The following MCPH1 variants were observed in gnomAD, a reference collection of about 807,000 sequenced individuals.
The protein encoded by MCPH1 is microcephalin.
A neutral mutation model predicts 84.5 loss-of-function variants in MCPH1; 104 were observed. The observed-to-expected ratio is 1.23, with a 90% confidence interval of 1.05 to 1.45. MCPH1 has a LOEUF of 1.45. Among genes scored for constraint, MCPH1 ranks in the 40% most tolerant of loss-of-function variants. MCPH1 has a pLI of 0.00. For synonymous variants in MCPH1, 514 were observed against 366.8 expected (o/e 1.40, Z -4.58); for missense variants, 1,498 against 1,005.7 (o/e 1.49, Z -6.62).
intron 12 of MCPH1, among the ~76,000 whole-genome samples, chr8:6,583,950 G>A (rs1827780589): frequency 1.4e-5 from 2 of 146,328 alleles, no homozygotes; most frequent in Non-Finnish European, 3.0e-5. Context: ...GGACTTTGTT[G>A]TGGTGGGTAG....
At chr8:6,513,955 C>T (rs1982386) in intron 12 of MCPH1, 289,464 of 1,050,550 alleles carry the variant, frequency 0.28, 44,882 homozygotes, top group East Asian at 0.69. Flanking sequence ...GCAGAAATTC[C>T]TTCTGGTGCT....
chr8:6,624,855 A>G (rs1831893355), intron 13 of MCPH1: 2 of 983,634 alleles, frequency 2.0e-6, no homozygotes, highest in Admixed American at 1.2e-4. Context: ...TTATTCTCTA[A>G]CCAGAAACAA....
intron 1 of MCPH1, 43 bp downstream of exon 1, chr8:6,406,732 G>A (rs767530188): frequency 2.5e-6 from 4 of 1,607,918 alleles, no homozygotes; most frequent in Middle Eastern, 1.7e-4. Flanking sequence ...GGGAGTTTGA[G>A]GACCGGCACC....
intron 12 of MCPH1, among the ~76,000 whole-genome samples, chr8:6,541,916 G>A (rs922299528): frequency 2.6e-5 from 4 of 151,752 alleles, no homozygotes; most frequent in Admixed American, 2.0e-4. Context: ...GCTAAGGTGG[G>A]AGGATTGCTT....
At chr8:6,451,145 T>A (rs1412349256) in intron 8 of MCPH1, among the ~76,000 whole-genome samples, 1 of 152,226 alleles carries the variant, frequency 6.6e-6, no homozygotes. Context: ...AATTCACAAG[T>A]GTATTAAGAA....
Position 6,436,164 on chromosome 8 carries a change from T to G in MCPH1, c.436+2T>G. On this transcript the variant is annotated splice_donor_variant, in intron 5 of 13. Coordinates refer to ENST00000344683, the MANE Select transcript of MCPH1 (RefSeq NM_024596.5). LOFTEE classifies it high-confidence loss of function. ...TACAAAGGCAAAAAACAAATCTAGG[T>G]AAGCTAAGAAATATAATACAGTTCT... 2 of 1,612,706 alleles carry G rather than the reference T, an allele frequency of 1.2e-6. No homozygotes were observed. Among genetic ancestry groups the G allele is most frequent in the Non-Finnish European group, 1.7e-6 (2 of 1,179,464 alleles).
chr8:6,595,271 A>G (rs1330642556), intron 12 of MCPH1, among the ~76,000 whole-genome samples: 1 of 152,200 alleles, frequency 6.6e-6, no homozygotes, highest in Non-Finnish European at 1.5e-5. Context: ...GAGGAGACAC[A>G]CAGGAATGAG....
At chr8:6,598,945 G>T (rs1829150614) in intron 12 of MCPH1, among the ~76,000 whole-genome samples, 1 of 152,372 alleles carries the variant, frequency 6.6e-6, no homozygotes, top group South Asian at 2.1e-4. Flanking sequence ...ATGCAGCCCC[G>T]CTGAGCTGGG....
chr8:6,596,641 C>G (rs1031825977), intron 12 of MCPH1, among the ~76,000 whole-genome samples: 3 of 152,092 alleles, frequency 2.0e-5, no homozygotes, highest in Non-Finnish European at 2.9e-5. Context: ...AGAGGAACCC[C>G]TGGGCTAACA....
At chr8:6,472,827 T>A (rs924372802) in intron 9 of MCPH1, among the ~76,000 whole-genome samples, 1 of 152,138 alleles carries the variant, frequency 6.6e-6, no homozygotes, top group African/African-American at 2.4e-5. Context: ...AGGCAAAATA[T>A]CAAAAATTAT....
chr8:6,615,274 C>A (rs3020259), intron 12 of MCPH1, among the ~76,000 whole-genome samples: 61,260 of 151,994 alleles, frequency 0.4, 12,772 homozygotes, highest in African/African-American at 0.52. Flanking sequence ...AGTCCTCCCT[C>A]AATGCCCCAA....
Position 6,409,306 on chromosome 8 carries a change from C to T in MCPH1, c.50C>T (p.Ser17Leu), listed in dbSNP as rs1458564796. The part of the protein sequence containing the change: ...KDVVAYVEVW[S>L]SNGTENYSKT... ...GTAGTGGCCTATGTTGAAGTGTGGT[C>T]ATCCAATGGAACAGAAAATTATTCA... The change falls in exon 2 of 14, where the codon TCA becomes TTA. Residue 17 changes from serine (S) to leucine (L), a missense_variant. Physicochemically the swap from Ser to Leu is moderately radical, Grantham distance 145 (BLOSUM62 -2). Transcript: ENST00000344683. 4 of 1,613,944 alleles carry T rather than the reference C, an allele frequency of 2.5e-6. No homozygotes were observed. Among genetic ancestry groups the T allele is most frequent in the Admixed American group, 1.7e-5 (1 of 60,022 alleles).
chr8:6,415,033 C>A, intron 3 of MCPH1, 150 bp downstream of exon 3: 1 of 783,544 alleles, frequency 1.3e-6, no homozygotes, highest in Non-Finnish European at 2.0e-6. Flanking sequence ...ATCCTCCAGC[C>A]TCAATTTCTG....
chr8:6,554,937 T>C (rs1226234997), intron 12 of MCPH1, among the ~76,000 whole-genome samples: 1 of 152,176 alleles, frequency 6.6e-6, no homozygotes, highest in South Asian at 2.1e-4. Context: ...AGAAAGGTGA[T>C]TTCATGGAGA....
Position 6,637,510 on chromosome 8 carries a change from C to T in MCPH1, c.2453-5484C>T, listed in dbSNP as rs182213328. On this transcript the variant is annotated intron_variant, in intron 13 of 13. Coordinates refer to ENST00000344683, the MANE Select transcript of MCPH1 (RefSeq NM_024596.5). ...TAGGAAATGAAGCTGGAGAAGCAGGCAGCTTCAGACAGGACCATTCCAGAC... is the reference window on the plus strand; with the variant it reads ...TAGGAAATGAAGCTGGAGAAGCAGGTAGCTTCAGACAGGACCATTCCAGAC... Among the ~76,000 whole-genome samples the T allele has an allele frequency of 2.6e-3, 393 of 152,262 alleles. 4 individuals are homozygous for T. Among genetic ancestry groups the T allele is most frequent in the African/African-American group, 8.9e-3 (370 of 41,532 alleles).
chr8:6,418,688 T>A (rs1281114605), intron 3 of MCPH1, among the ~76,000 whole-genome samples: 2 of 152,196 alleles, frequency 1.3e-5, no homozygotes, highest in Non-Finnish European at 2.9e-5. Context: ...GTTCAGCGAT[T>A]CTCCTGCCTC....
intron 12 of MCPH1, among the ~76,000 whole-genome samples, chr8:6,584,643 G>A (rs895640570): frequency 2.6e-5 from 4 of 152,094 alleles, no homozygotes; most frequent in East Asian, 1.9e-4. Flanking sequence ...CTCAGTGTTC[G>A]CTACACGTCA....
At chr8:6,630,429 T>C (rs1366144463) in intron 13 of MCPH1, among the ~76,000 whole-genome samples, 3 of 152,176 alleles carry the variant, frequency 2.0e-5, no homozygotes, top group Middle Eastern at 3.2e-3. Flanking sequence ...GTTACCAAAA[T>C]TGATTCAAGA....
chr8:6,509,208 T>C, intron 12 of MCPH1: 1 of 1,063,460 alleles, frequency 9.4e-7, no homozygotes, highest in Non-Finnish European at 1.3e-6. Context: ...CAAAATATTT[T>C]GCACTGGTAT....
Sources: gnomAD v4.1 joint callset for allele counts (sites outside exome capture counted in the v4.1 genomes callset) on GRCh38, gnomAD v4.1.1 for gene constraint, MANE v1.5 for transcripts, NCBI Gene and HGNC (gene_info 2026-07-23, HGNC 2026-07-21) for gene names.